The following NCBP3 variants were observed in gnomAD, a reference collection of about 807,000 sequenced individuals.
NCBP3 encodes nuclear cap-binding protein subunit 3.
In NCBP3, 20 loss-of-function variants were observed where a neutral mutation model predicts 75.7. The ratio of observed to expected loss-of-function variants is 0.26; its 90% CI spans 0.19 to 0.38. NCBP3 has a LOEUF of 0.38. Among genes scored for constraint, NCBP3 ranks in the 10% least tolerant of loss-of-function variants. The pLI is 1.00. For missense variants in NCBP3, 678 were observed against 796.9 expected, an observed-to-expected ratio of 0.85 and a Z score of 1.80; for synonymous variants, 293 against 290.5, an observed-to-expected ratio of 1.01 and a Z score of -0.09.
At position 3,803,728 on chromosome 17, in the gene NCBP3, T is replaced by TA. The variant is rs869157304; in HGVS notation, c.*9315dup. 3 of 152,204 alleles carry TA rather than the reference T, an allele frequency of 2.0e-5. No homozygotes were observed. In the East Asian group the frequency reaches 5.8e-4, roughly 29 times the overall value. 9.4% of individuals were successfully genotyped at this position (152,204 alleles called of 1,614,324 possible). A position where few individuals can be genotyped will look rare whatever the true frequency, so the allele number is the denominator to read the frequency against. On this transcript the variant is annotated 3_prime_UTR_variant, in exon 13 of 13. Transcript: ENST00000389005. ...TTTCAAAATAAAGTTTTAAATATTT[T>TA]AAAAAATTTTTTTCTTTCTCCCCTT... is the stretch of plus-strand genomic sequence containing the variant.
rs2053331565 is a variant in NCBP3, at chr17:3,805,842, G to A, written c.*7202C>T. On this transcript the variant is annotated 3_prime_UTR_variant, in exon 13 of 13. Coordinates refer to ENST00000389005, the MANE Select transcript of NCBP3 (RefSeq NM_001114118.3). ...AGTTGAGCCCTCCATTTGACAGACA[G>A]GGAAGCTGAGGCCCAGGGAGGTGAG... is the stretch of plus-strand genomic sequence containing the variant. 1 of 152,346 alleles carries A rather than the reference G, an allele frequency of 6.6e-6. No individual in the cohort carries two copies. The highest frequency in any genetic ancestry group is 1.5e-5 in the Non-Finnish European group (1 of 68,158). The allele number at this position is 152,346 out of a possible 1,614,324, so 9.4% of individuals were successfully genotyped here.
At chr17:3,821,628 G>A (rs1489415067) in intron 8 of NCBP3, among the ~76,000 whole-genome samples, 1 of 152,076 alleles carries the variant, frequency 6.6e-6, no homozygotes, top group Admixed American at 6.6e-5. Context: ...TCACCATGTT[G>A]GCCAGGCTGG....
intron 7 of NCBP3, chr17:3,822,850 G>A (rs1233609467): frequency 6.6e-6 from 1 of 152,078 alleles, no homozygotes; most frequent in African/African-American, 2.4e-5. Flanking sequence ...CCAGCTCCTT[G>A]GAGAAATGGC....
At chr17:3,814,561 G>A in intron 11 of NCBP3, 78 bp from the exon 12 acceptor site, 2 of 1,473,936 alleles carry the variant, frequency 1.4e-6, no homozygotes, top group Non-Finnish European at 9.3e-7. Flanking sequence ...ACCTCTAACG[G>A]ATCTGGCGCT....
chr17:3,819,876 T>G (rs962771602), intron 9 of NCBP3, among the ~76,000 whole-genome samples: 21 of 152,190 alleles, frequency 1.4e-4, no homozygotes, highest in Admixed American at 1.2e-3. Context: ...TTAATATGGA[T>G]ATAAAAAGTA....
Position 3,802,739 on chromosome 17 carries a change from G to C in NCBP3, c.*10305C>G, listed in dbSNP as rs1208814554. On this transcript the variant is annotated 3_prime_UTR_variant, in exon 13 of 13. Transcript: ENST00000389005. ...CCCGCATTGGCCTAAAGCAGGAAGAGAGCAGCCCAGTCACTGAGCAGATCC... is the reference window on the plus strand; with the variant it reads ...CCCGCATTGGCCTAAAGCAGGAAGACAGCAGCCCAGTCACTGAGCAGATCC... 1.3e-5 allele frequency: 2 copies of C among 152,290 alleles called. No homozygotes were observed. The highest frequency in any genetic ancestry group is 2.9e-5 in the Non-Finnish European group (2 of 68,082). The allele number at this position is 152,290 out of a possible 1,614,324, so 9.4% of individuals were successfully genotyped here. A position where few individuals can be genotyped will look rare whatever the true frequency, so the allele number is the denominator to read the frequency against.
At chr17:3,830,354 T>G (rs909263977) in intron 3 of NCBP3, among the ~76,000 whole-genome samples, 1 of 152,122 alleles carries the variant, frequency 6.6e-6, no homozygotes, top group African/African-American at 2.4e-5. Context: ...AATGAGATAA[T>G]TATATACCAC....
intron 3 of NCBP3, among the ~76,000 whole-genome samples, chr17:3,837,165 T>G (rs1158100494): frequency 6.9e-6 from 1 of 145,216 alleles, no homozygotes; most frequent in Non-Finnish European, 1.5e-5. Flanking sequence ...AAATAAAAAA[T>G]AAAAATAAAT....
intron 9 of NCBP3, among the ~76,000 whole-genome samples, chr17:3,820,524 C>T (rs1277729387): frequency 6.6e-6 from 1 of 152,224 alleles, no homozygotes; most frequent in African/African-American, 2.4e-5. Context: ...TGATATCCCA[C>T]TCTTCTGAGG....
At chr17:3,842,251 C>G (rs1431843097) in intron 2 of NCBP3, among the ~76,000 whole-genome samples, 1 of 152,086 alleles carries the variant, frequency 6.6e-6, no homozygotes, top group Non-Finnish European at 1.5e-5. Flanking sequence ...ACAATGAAAC[C>G]CTGTCTCTAC....
At position 3,813,168 on chromosome 17, in the gene NCBP3, G is replaced by GC. The variant is rs1478000906; in HGVS notation, c.1738dup (p.Ala580GlyfsTer7). On this transcript the variant is annotated frameshift_variant, in exon 13 of 13. Transcript: ENST00000389005. LOFTEE classifies it high-confidence loss of function. Reference sequence around the variant, plus strand: ...TTTCTCCTTAATCAGAGCCCCCCATGCCCTTTGCAGCTCAGAGTCGTCTTC... The same window carrying GC: ...TTTCTCCTTAATCAGAGCCCCCCATGCCCCTTTGCAGCTCAGAGTCGTCTTC... The GC allele has an allele frequency of 1.9e-6, 3 of 1,614,220 alleles. No homozygotes were observed. Among genetic ancestry groups the GC allele is most frequent in the Non-Finnish European group, 2.5e-6 (3 of 1,180,044 alleles).
intron 11 of NCBP3, among the ~76,000 whole-genome samples, chr17:3,815,653 G>A (rs1430692050): frequency 3.3e-5 from 5 of 152,274 alleles, no homozygotes; most frequent in Admixed American, 2.6e-4. Context: ...TGGAAAAAAA[G>A]TAAGACATAA....
intron 4 of NCBP3, among the ~76,000 whole-genome samples, chr17:3,828,572 GAAGT>G (rs2053826198): frequency 1.3e-5 from 2 of 152,242 alleles, no homozygotes; most frequent in African/African-American, 4.8e-5. Flanking sequence ...AGCCAGACTA[GAAGT>G]AAGTCAAGAC....
intron 10 of NCBP3, among the ~76,000 whole-genome samples, chr17:3,817,545 C>T (rs542127611): frequency 3.3e-5 from 5 of 152,154 alleles, no homozygotes; most frequent in South Asian, 2.1e-4. Flanking sequence ...AGGAGAATGG[C>T]GTGAACCTGG....
chr17:3,821,105 A>C (rs2053654669), intron 9 of NCBP3, 144 bp downstream of exon 9: 1 of 518,680 alleles, frequency 1.9e-6, no homozygotes, highest in South Asian at 3.0e-5. Flanking sequence ...TTGTGACTTG[A>C]CTTACTTTCC....
chr17:3,831,571 C>CA (rs201489434), intron 3 of NCBP3, among the ~76,000 whole-genome samples: 1,353 of 91,072 alleles, frequency 0.015, 355 homozygotes, highest in Non-Finnish European at 0.029. Context: ...GACTCTGTCT[C>CA]AAAAAAAAAG....
intron 11 of NCBP3, 130 bp downstream of exon 11, chr17:3,815,986 A>G (rs935893717): frequency 3.7e-6 from 3 of 807,216 alleles, no homozygotes; most frequent in African/African-American, 1.8e-5. Context: ...CTAGCCCACA[A>G]TTTAGACATG....
Position 3,818,988 on chromosome 17 carries a change from C to T in NCBP3, c.1001-416G>A, listed in dbSNP as rs2053607790. Among the ~76,000 whole-genome samples the T allele has an allele frequency of 6.6e-6, 1 of 152,200 alleles. No individual in the cohort carries two copies. The highest frequency in any genetic ancestry group is 6.5e-5 in the Admixed American group (1 of 15,282). Reference sequence around the variant, plus strand: ...TCAAACAAAGCAACACTCCACCTTCCTGTTTCATCTCATGCTGTAAACAAG... The same window carrying T: ...TCAAACAAAGCAACACTCCACCTTCTTGTTTCATCTCATGCTGTAAACAAG... On this transcript the variant is annotated intron_variant, in intron 9 of 12. Coordinates refer to ENST00000389005, the MANE Select transcript of NCBP3 (RefSeq NM_001114118.3). The surrounding 1 kb of genome is among the most constrained non-coding windows in gnomAD (Gnocchi z 4.7).
intron 9 of NCBP3, 65 bp downstream of exon 9, chr17:3,821,184 T>A: frequency 9.3e-6 from 11 of 1,186,096 alleles, no homozygotes; most frequent in Non-Finnish European, 1.4e-5. Flanking sequence ...AAGATTGCAT[T>A]AAGAATAAAA....
Sources: gnomAD v4.1 joint callset for allele counts (sites outside exome capture counted in the v4.1 genomes callset) on GRCh38, gnomAD v4.1.1 for gene constraint, Gnocchi (gnomAD v3.1) non-coding constraint, MANE v1.5 for transcripts, NCBI Gene and HGNC (gene_info 2026-07-23, HGNC 2026-07-21) for gene names.